NWD1: variants seen among roughly 807,000 people sequenced by gnomAD.
The protein encoded by NWD1 is NACHT and WD repeat domain containing 1.
In NWD1, 129 loss-of-function variants were observed where a neutral mutation model predicts 135.1. The ratio of observed to expected loss-of-function variants is 0.96; its 90% CI spans 0.83 to 1.11. The LOEUF is 1.11. Ranked by LOEUF, NWD1 falls within the 50% of genes least tolerant of loss-of-function variation. NWD1 has a pLI of 0.00. For synonymous variants in NWD1, 773 were observed against 786.0 expected (o/e 0.98, Z 0.28); for missense variants, 1,740 against 1,851.3 (o/e 0.94, Z 1.10).
chr19:16,738,583 A>AC (rs1263052836), intron 4 of NWD1, among the ~76,000 whole-genome samples: 1 of 149,684 alleles, frequency 6.7e-6, no homozygotes. Context: ...AAAAAAAAAA[A>AC]AGGAGAAGGT....
chr19:16,804,697 G>A (rs971351520), intron 17 of NWD1, among the ~76,000 whole-genome samples: 1 of 152,040 alleles, frequency 6.6e-6, no homozygotes. Context: ...GTTGTCTTGG[G>A]TTAAATTAAT....
intron 9 of NWD1, 98 bp downstream of exon 9, chr19:16,764,043 C>A: frequency 4.0e-6 from 3 of 743,688 alleles, no homozygotes; most frequent in Non-Finnish European, 2.4e-6. Flanking sequence ...ACATGGAAAT[C>A]CTTCGTTCCT....
At chr19:16,806,574 G>A (rs1345233265) in intron 17 of NWD1, among the ~76,000 whole-genome samples, 2 of 152,098 alleles carry the variant, frequency 1.3e-5, no homozygotes, top group African/African-American at 4.8e-5. Flanking sequence ...AGCTGGGCGT[G>A]GTGGCCCGAG....
intron 10 of NWD1, 97 bp from the exon 11 acceptor site, chr19:16,773,027 CTT>C: frequency 1.0e-6 from 1 of 990,458 alleles, no homozygotes; most frequent in Non-Finnish European, 1.6e-6. Context: ...ATTGTGTCTT[CTT>C]TTGTTCTGGA....
chr19:16,753,588 A>T (rs895940028), intron 6 of NWD1, among the ~76,000 whole-genome samples: 1 of 152,090 alleles, frequency 6.6e-6, no homozygotes, highest in Non-Finnish European at 1.5e-5. Context: ...GACACTAGAC[A>T]GTGTGTCTGG....
intron 14 of NWD1, 93 bp from the exon 15 acceptor site, chr19:16,794,370 A>C (rs1599544826): frequency 1.4e-6 from 1 of 732,156 alleles, no homozygotes; most frequent in Non-Finnish European, 2.3e-6. Context: ...CATCTCAAAA[A>C]CAAAAAAAAT....
chr19:16,768,058 C>T (rs1969291318), intron 10 of NWD1, among the ~76,000 whole-genome samples: 1 of 131,510 alleles, frequency 7.6e-6, no homozygotes. Context: ...GTGGCACGAT[C>T]TCAGCTCACC....
intron 5 of NWD1, chr19:16,745,218 C>T (rs1968260478): frequency 2.7e-6 from 1 of 374,284 alleles, no homozygotes; most frequent in Non-Finnish European, 5.4e-6. Flanking sequence ...GAGACTTATT[C>T]ACTACCACGA....
At chr19:16,804,096 G>C (rs1413611720) in intron 17 of NWD1, among the ~76,000 whole-genome samples, 1 of 152,124 alleles carries the variant, frequency 6.6e-6, no homozygotes, top group Non-Finnish European at 1.5e-5. Context: ...GTATTGAGGG[G>C]TGTTTCCAGG....
At chr19:16,794,880 C>T (rs1281988054) in intron 15 of NWD1, among the ~76,000 whole-genome samples, 1 of 152,050 alleles carries the variant, frequency 6.6e-6, no homozygotes, top group Non-Finnish European at 1.5e-5. Flanking sequence ...TTTCTGGGCT[C>T]AAACGATCCT....
intron 4 of NWD1, among the ~76,000 whole-genome samples, chr19:16,737,440 A>T (rs966588764): frequency 6.6e-6 from 1 of 151,774 alleles, no homozygotes; most frequent in Admixed American, 6.6e-5. Flanking sequence ...ATTTTTTTGG[A>T]AATATGGGGT....
Position 16,738,716 on chromosome 19 carries a change from C to CAT in NWD1, c.198+1976_198+1977dup, listed in dbSNP as rs1385696337. ...TATGAGCCAGGAATAATGGGCAAAACATATATATATAATCTATATATAATA... is the reference window on the plus strand; with the variant it reads ...TATGAGCCAGGAATAATGGGCAAAACATATATATATATAATCTATATATAATA... On this transcript the variant is annotated intron_variant, in intron 4 of 18. Coordinates refer to ENST00000524140, the MANE Select transcript of NWD1 (RefSeq NM_001007525.5). Among the ~76,000 whole-genome samples, 10 of 140,518 alleles carry CAT rather than the reference C, an allele frequency of 7.1e-5. No individual in the cohort carries two copies. The East Asian group carries it at 8.0e-4, about 11-fold the overall frequency. 92.2% of individuals were successfully genotyped at this position (140,518 alleles called of 152,430 possible).
chr19:16,727,350 G>A (rs1245563070), intron 2 of NWD1: 1 of 152,552 alleles, frequency 6.6e-6, no homozygotes, highest in Non-Finnish European at 1.5e-5. Flanking sequence ...GGAAAGCAGT[G>A]GAGAGGAGCT....
At chr19:16,750,501 C>A in intron 6 of NWD1, 90 bp downstream of exon 6, 1 of 1,047,470 alleles carries the variant, frequency 9.5e-7, no homozygotes, top group Non-Finnish European at 1.3e-6. Flanking sequence ...GTCACCCAGG[C>A]TGGAGTGCAG....
intron 3 of NWD1, among the ~76,000 whole-genome samples, chr19:16,735,816 AGG>A (rs1967774983): frequency 2.4e-5 from 1 of 41,360 alleles, no homozygotes; most frequent in Non-Finnish European, 5.4e-5. Context: ...GAAGGAAGGA[AGG>A]AAGGAAGGAA....
In NWD1 at chr19:16,779,436, A is replaced by G. The variant is rs757609952; in HGVS notation, c.2702A>G (p.His901Arg). The G allele has an allele frequency of 1.4e-5, 22 of 1,613,494 alleles. 1 individual carries two copies. In the South Asian group the frequency reaches 1.9e-4, roughly 14 times the overall value. ...GCTGTGTGGGACATGGAAGAGCAGCATGTGATCCACATGCTAACTGGACAC... is the reference window on the plus strand; with the variant it reads ...GCTGTGTGGGACATGGAAGAGCAGCGTGTGATCCACATGCTAACTGGACAC... ...IMAVWDMEEQ[H>R]VIHMLTGHTG... The change falls in exon 12 of 19, where the codon CAT (histidine) becomes CGT (arginine). Residue 901 changes from histidine (H) to arginine (R), a missense_variant. Physicochemically the swap from His to Arg is conservative, Grantham distance 29. Transcript: ENST00000524140.
intron 14 of NWD1, among the ~76,000 whole-genome samples, chr19:16,793,060 T>A (rs78948826): frequency 2.1e-5 from 3 of 146,076 alleles, no homozygotes; most frequent in African/African-American, 5.1e-5. Flanking sequence ...AATTAAAAAA[T>A]AAAAAAAAAA....
intron 10 of NWD1, among the ~76,000 whole-genome samples, chr19:16,767,858 A>G (rs1969281588): frequency 6.6e-6 from 1 of 151,204 alleles, no homozygotes; most frequent in African/African-American, 2.4e-5. Context: ...TATAAATTTG[A>G]CTGCTTTAGG....
At chr19:16,804,605 T>A (rs1161548825) in intron 17 of NWD1, among the ~76,000 whole-genome samples, 2 of 151,892 alleles carry the variant, frequency 1.3e-5, no homozygotes, top group African/African-American at 4.8e-5. Flanking sequence ...TTTTTTTTTT[T>A]AATTTAAAGA....
Sources: allele counts gnomAD v4.1 joint callset (sites outside exome capture counted in the v4.1 genomes callset), GRCh38; gene constraint gnomAD v4.1.1; transcripts MANE v1.5; gene names NCBI Gene and HGNC (gene_info 2026-07-23, HGNC 2026-07-21).